Variants in MRTFB observed in about 807,000 individuals in gnomAD.
MRTFB encodes the protein myocardin related transcription factor B.
A neutral mutation model predicts 104.2 loss-of-function variants in MRTFB; 29 were observed. The observed-to-expected ratio is 0.28, with a 90% CI of 0.21 to 0.38. MRTFB has a LOEUF of 0.38. Ranked by LOEUF, MRTFB falls within the 10% of genes least tolerant of loss-of-function variation. The probability of loss-of-function intolerance (pLI) is 1.00; values close to 1 mark genes in which losing one functional copy is unlikely to be tolerated. For missense variants in MRTFB, 1,270 were observed against 1,341.6 expected (o/e 0.95, Z 0.83); for synonymous variants, 535 against 519.5 (o/e 1.03, Z -0.41).
At chr16:14,249,137 A>G in intron 13 of MRTFB, 56 bp downstream of exon 13, 1 of 1,577,896 alleles carries the variant, frequency 6.3e-7, no homozygotes. Flanking sequence ...TCCTCCGATC[A>G]TCCATTCAAC....
intron 8 of MRTFB, among the ~76,000 whole-genome samples, chr16:14,223,609 T>C (rs766740977): frequency 2.6e-5 from 4 of 151,862 alleles, no homozygotes; most frequent in Non-Finnish European, 4.4e-5. Context: ...AACAGCAGAC[T>C]CAAACAAGCA....
intron 2 of MRTFB, among the ~76,000 whole-genome samples, chr16:14,093,718 G>A (rs1193671626): frequency 6.6e-6 from 1 of 152,152 alleles, no homozygotes; most frequent in African/African-American, 2.4e-5. Context: ...CAAAGACTGG[G>A]AAAGTATATT....
At chr16:14,186,662 G>A in intron 3 of MRTFB, 1 of 1,287,276 alleles carries the variant, frequency 7.8e-7, no homozygotes, top group Non-Finnish European at 9.9e-7. Flanking sequence ...AATCGTGCCT[G>A]TGTGGCTCTG....
chr16:14,185,825 A>G (rs187092433), intron 3 of MRTFB, among the ~76,000 whole-genome samples: 1 of 152,322 alleles, frequency 6.6e-6, no homozygotes, highest in East Asian at 1.9e-4. Context: ...CTACAGAGGT[A>G]TATATCTGGA....
intron 2 of MRTFB, among the ~76,000 whole-genome samples, chr16:14,081,694 T>C (rs9929749): frequency 0.24 from 35,759 of 151,986 alleles, 7,942 homozygotes; most frequent in African/African-American, 0.58. Flanking sequence ...ATCCTCCCAC[T>C]TCAGCCTCCC....
At chr16:14,010,033 A>T in the MRTFB span, among the ~76,000 whole-genome samples, 1 of 152,092 alleles carries the variant, frequency 6.6e-6, no homozygotes, top group African/African-American at 2.4e-5. Flanking sequence ...AATAAAGGAG[A>T]GTGGGAGTTC....
At chr16:14,240,053 G>A (rs1222009560) in intron 9 of MRTFB, among the ~76,000 whole-genome samples, 184 bp from the exon 10 acceptor site, 1 of 152,176 alleles carries the variant, frequency 6.6e-6, no homozygotes, top group Non-Finnish European at 1.5e-5. Flanking sequence ...AAATTTATTG[G>A]TCAAAGTTAA....
At chr16:14,141,546 ATAT>A (rs2037997904) in intron 3 of MRTFB, 2 of 152,184 alleles carry the variant, frequency 1.3e-5, no homozygotes, top group Non-Finnish European at 2.9e-5. Flanking sequence ...ACTCACAAGT[ATAT>A]TTGTAAATTT....
At chr16:14,162,852 G>C (rs1441727919) in intron 3 of MRTFB, among the ~76,000 whole-genome samples, 1 of 152,178 alleles carries the variant, frequency 6.6e-6, no homozygotes, top group African/African-American at 2.4e-5. Context: ...GTATACTTAT[G>C]ATGTGTACCT....
At chr16:14,033,599 G>A in the MRTFB span, among the ~76,000 whole-genome samples, 1 of 152,008 alleles carries the variant, frequency 6.6e-6, no homozygotes, top group African/African-American at 2.4e-5. Flanking sequence ...CACTTTGGGA[G>A]GCTGAGGCGT....
At chr16:14,230,695 C>T (rs1162813367) in intron 8 of MRTFB, among the ~76,000 whole-genome samples, 1 of 152,216 alleles carries the variant, frequency 6.6e-6, no homozygotes, top group Non-Finnish European at 1.5e-5. Flanking sequence ...GGACTGTAAA[C>T]TAGTTCAACC....
At chr16:14,041,926 C>A in the MRTFB span, among the ~76,000 whole-genome samples, 2 of 151,426 alleles carry the variant, frequency 1.3e-5, no homozygotes, top group African/African-American at 2.4e-5. Flanking sequence ...AACTCTGTCT[C>A]AAAAAAAATA....
chr16:14,125,358 G>C (rs2037056516), intron 2 of MRTFB, among the ~76,000 whole-genome samples: 1 of 152,210 alleles, frequency 6.6e-6, no homozygotes, highest in South Asian at 2.1e-4. Flanking sequence ...AAAATTCCTG[G>C]GGGTAAATAC....
chr16:14,119,813 C>T (rs2036747762), intron 2 of MRTFB, among the ~76,000 whole-genome samples: 1 of 152,076 alleles, frequency 6.6e-6, no homozygotes, highest in South Asian at 2.1e-4. Context: ...AATGGCCTCG[C>T]ATAGCAGCTT....
At chr16:14,187,119 A>G (rs945664490) in intron 3 of MRTFB, 1 of 1,107,158 alleles carries the variant, frequency 9.0e-7, no homozygotes, top group Non-Finnish European at 1.3e-6. Flanking sequence ...TTACCATGCT[A>G]TGTGTCTGCT....
the MRTFB span, among the ~76,000 whole-genome samples, chr16:13,998,128 A>G: frequency 6.6e-6 from 1 of 152,214 alleles, no homozygotes; most frequent in African/African-American, 2.4e-5. Context: ...TTAATAAATA[A>G]CAAGAAATGA....
At chr16:14,045,475 G>T in the MRTFB span, among the ~76,000 whole-genome samples, 287 of 152,328 alleles carry the variant, frequency 1.9e-3, 3 homozygotes, top group Admixed American at 0.015. Context: ...CCAGCAGACA[G>T]ATTAGAGAAC....
chr16:14,127,885 A>C (rs1213918938), intron 2 of MRTFB, among the ~76,000 whole-genome samples: 1 of 122,856 alleles, frequency 8.1e-6, no homozygotes, highest in Non-Finnish European at 1.7e-5. Flanking sequence ...CCAGGGTGTA[A>C]TTTTAGCAAA....
chr16:14,150,504 A>G (rs1197651562), intron 3 of MRTFB, among the ~76,000 whole-genome samples: 1 of 152,184 alleles, frequency 6.6e-6, no homozygotes, highest in African/African-American at 2.4e-5. Flanking sequence ...TGCGTTATGT[A>G]CTGTATTCTT....
Sources: gnomAD v4.1 joint callset for allele counts (sites outside exome capture counted in the v4.1 genomes callset) on GRCh38, gnomAD v4.1.1 for gene constraint, MANE v1.5 for transcripts, NCBI Gene and HGNC (gene_info 2026-07-23, HGNC 2026-07-21) for gene names.